Variants in SLC6A15 observed in about 807,000 individuals in gnomAD.
The protein encoded by SLC6A15 is sodium-dependent neutral amino acid transporter B(0)AT2.
Under a neutral mutation model 68.5 loss-of-function variants are expected in SLC6A15, and 33 were observed. That is an observed-to-expected ratio of 0.48 (90% CI 0.37 to 0.64). The LOEUF (loss-of-function observed/expected upper bound fraction) is 0.64, where lower values mean the gene tolerates loss of function less well. Among genes scored for constraint, SLC6A15 ranks in the 30% least tolerant of loss-of-function variants. SLC6A15 has a pLI of 0.00. For missense variants in SLC6A15, 747 were observed against 874.3 expected, an observed-to-expected ratio of 0.85 and a Z score of 1.84; for synonymous variants, 347 against 301.0, an observed-to-expected ratio of 1.15 and a Z score of -1.58.
intron 2 of SLC6A15, among the ~76,000 whole-genome samples, chr12:84,888,663 T>A (rs762481162): frequency 1.3e-5 from 2 of 152,132 alleles, no homozygotes; most frequent in Non-Finnish European, 2.9e-5. Context: ...TTATGTACAA[T>A]GTATGCTACT....
In SLC6A15 at chr12:84,883,935, T is replaced by C. The variant is rs1333236226; in HGVS notation, c.680A>G (p.Lys227Arg). 2 of 1,614,138 alleles carry C rather than the reference T, an allele frequency of 1.2e-6. No homozygotes were observed. The highest frequency in any genetic ancestry group is 1.7e-6 in the Non-Finnish European group (2 of 1,180,014). Residue 227 changes from lysine to arginine, a missense_variant, in exon 5 of 12, where the codon AAG becomes AGG. By Grantham distance (26) the Lys-to-Arg change is conservative. Coordinates refer to ENST00000266682, the MANE Select transcript of SLC6A15 (RefSeq NM_182767.6). ...SISESGGLNW[K>R]MTICLLAAWV... ...GGCAGCCAACAAGCAGATGGTCATCTTCCAGTTTAAGCCCCCACTTTCAGA... is the reference window on the plus strand; with the variant it reads ...GGCAGCCAACAAGCAGATGGTCATCCTCCAGTTTAAGCCCCCACTTTCAGA...
chr12:84,900,272 T>C (rs1008076881), intron 1 of SLC6A15, among the ~76,000 whole-genome samples: 2 of 152,046 alleles, frequency 1.3e-5, no homozygotes, highest in African/African-American at 2.4e-5. Flanking sequence ...GTTTCAATTA[T>C]ATTTTGCTAG....
intron 1 of SLC6A15, among the ~76,000 whole-genome samples, chr12:84,909,585 T>C (rs1873341864): frequency 6.6e-6 from 1 of 152,210 alleles, no homozygotes; most frequent in African/African-American, 2.4e-5. Flanking sequence ...TGCATCCAAC[T>C]ATGCCTGTAG....
chr12:84,872,507 G>A, intron 8 of SLC6A15, 95 bp downstream of exon 8: 3 of 925,996 alleles, frequency 3.2e-6, no homozygotes, highest in Non-Finnish European at 4.7e-6. Flanking sequence ...GCTTCTTCGG[G>A]CATTTTAAGG....
intron 1 of SLC6A15, among the ~76,000 whole-genome samples, chr12:84,900,032 G>A (rs1872789312): frequency 6.6e-6 from 1 of 151,904 alleles, no homozygotes; most frequent in Non-Finnish European, 1.5e-5. Context: ...CAGCCTACTA[G>A]GATTTAAAAT....
chr12:84,868,991 A>C, intron 9 of SLC6A15, among the ~76,000 whole-genome samples: 1 of 152,166 alleles, frequency 6.6e-6, no homozygotes, highest in East Asian at 1.9e-4. Context: ...ATTTCTGTTC[A>C]GCTGAATTGT....
chr12:84,873,800 A>G (rs548402137), intron 6 of SLC6A15, among the ~76,000 whole-genome samples: 1 of 152,326 alleles, frequency 6.6e-6, no homozygotes. Flanking sequence ...CGCAGAGTTG[A>G]ACTATTTGTA....
At chr12:84,890,702 ATC>A (rs1164188315) in intron 2 of SLC6A15, among the ~76,000 whole-genome samples, 1 of 152,180 alleles carries the variant, frequency 6.6e-6, no homozygotes, top group African/African-American at 2.4e-5. Context: ...TCACCATAAC[ATC>A]TTAGAGTTTC....
chr12:84,867,229 A>C (rs756584114), intron 9 of SLC6A15, 36 bp from the exon 10 acceptor site: 2 of 1,523,572 alleles, frequency 1.3e-6, no homozygotes, highest in East Asian at 4.7e-5. Context: ...ATGAGACTCT[A>C]TTCAGAGACA....
At chr12:84,905,979 A>C (rs548621133) in intron 1 of SLC6A15, among the ~76,000 whole-genome samples, 1 of 152,306 alleles carries the variant, frequency 6.6e-6, no homozygotes, top group South Asian at 2.1e-4. Flanking sequence ...TGGTCATTTC[A>C]AGAATGTTAT....
At chr12:84,894,570 A>G (rs7960317) in intron 1 of SLC6A15, among the ~76,000 whole-genome samples, 10,310 of 152,170 alleles carry the variant, frequency 0.068, 1,128 homozygotes, top group African/African-American at 0.23. Context: ...AATTTTAAAT[A>G]GTGTGAACCA....
chr12:84,869,421 T>C lies in SLC6A15; in HGVS notation c.1495+1057A>G, dbSNP rs539094547. 3.1e-4 allele frequency among the ~76,000 whole-genome samples: 40 copies of C among 130,174 alleles called. 2 individuals are homozygous for C. The highest frequency in any genetic ancestry group is 1.1e-3 in the Admixed American group (12 of 10,524). 85.4% of individuals were successfully genotyped at this position (130,174 alleles called of 152,430 possible). A position where few individuals can be genotyped will look rare whatever the true frequency, so the allele number is the denominator to read the frequency against. On this transcript the variant is annotated intron_variant, in intron 9 of 11. Coordinates refer to ENST00000266682, the MANE Select transcript of SLC6A15 (RefSeq NM_182767.6). The stretch of plus-strand genomic sequence containing the variant: ...AGCTTGCAGTGAGCTGAGATCGCAC[T>C]ACTGCTGCACTCCAGCCTGGGCGAC...
At chr12:84,863,733 C>A in intron 10 of SLC6A15, 132 bp from the exon 11 acceptor site, 4 of 553,316 alleles carry the variant, frequency 7.2e-6, no homozygotes, top group Non-Finnish European at 1.1e-5. Context: ...TATCAAAGTT[C>A]CTCTTGGAAG....
At chr12:84,869,265 C>T (rs1203423243) in intron 9 of SLC6A15, among the ~76,000 whole-genome samples, 1 of 151,920 alleles carries the variant, frequency 6.6e-6, no homozygotes, top group Non-Finnish European at 1.5e-5. Flanking sequence ...TGAGACCATC[C>T]TGGCTAACAC....
In SLC6A15 at chr12:84,861,881, A is replaced by G. The variant is rs758333124; in HGVS notation, c.1944T>C (p.Ser648=). The change falls in exon 12 of 12, where the codon AGT becomes AGC. Residue 648 remains serine, a synonymous_variant. Transcript: ENST00000266682. ...IVRRFNLIDD[S]SGNLASVTYK... ...AGGTCACAGATGCTAAATTACCAGA[A>G]CTATCATCTATAAGGTTGAAGCGAC... is the stretch of plus-strand genomic sequence containing the variant. 28 of 1,613,924 alleles carry G rather than the reference A, an allele frequency of 1.7e-5. No individual in the cohort carries two copies. The highest frequency in any genetic ancestry group is 2.3e-5 in the Non-Finnish European group (27 of 1,179,934).
chr12:84,861,659 C>T lies in SLC6A15; in HGVS notation c.2166G>A (p.Met722Ile). Residue 722 changes from methionine to isoleucine, a missense_variant, in exon 12 of 12, where the codon ATG becomes ATA. Coordinates refer to ENST00000266682, the MANE Select transcript of SLC6A15 (RefSeq NM_182767.6). ...ACAAATCAGATTCTGGCATATCTGG[C>T]ATAATATCTGCCATCAAGTACCCTA... ...YGIGYLMADI[M>I]PDMPESDL is the part of the protein sequence containing the mutation. The T allele has an allele frequency of 1.2e-6, 2 of 1,603,688 alleles. No homozygotes were observed. Among genetic ancestry groups the T allele is most frequent in the Non-Finnish European group, 1.7e-6 (2 of 1,172,518 alleles).
intron 2 of SLC6A15, among the ~76,000 whole-genome samples, chr12:84,887,464 A>G (rs1395247255): frequency 6.6e-6 from 1 of 152,202 alleles, no homozygotes; most frequent in Non-Finnish European, 1.5e-5. Flanking sequence ...AGTGGTTGCT[A>G]CATAATCTGA....
intron 9 of SLC6A15, chr12:84,867,421 T>C (rs1871109682): frequency 7.1e-6 from 2 of 282,084 alleles, no homozygotes; most frequent in Non-Finnish European, 1.3e-5. Flanking sequence ...TTCATCTCCC[T>C]GAGCCCGTGG....
Position 84,883,726 on chromosome 12 carries a change from T to G in SLC6A15, c.756+133A>C, listed in dbSNP as rs201282345. The G allele has an allele frequency of 9.6e-5, 154 of 1,598,192 alleles. No individual in the cohort carries two copies. In the African/African-American group the frequency reaches 1.9e-3, roughly 20 times the overall value. ...TAAGCACACTTTTGAAGTGTCACTT[T>G]TCACTAATATTTAACTACCTAGAAT... On this transcript the variant is annotated intron_variant, in intron 5 of 11. Transcript: ENST00000266682.
Sources: allele counts gnomAD v4.1 joint callset (sites outside exome capture counted in the v4.1 genomes callset), GRCh38; gene constraint gnomAD v4.1.1; transcripts MANE v1.5; gene names NCBI Gene and HGNC (gene_info 2026-07-23, HGNC 2026-07-21).